TRHDE: variants seen among roughly 807,000 people sequenced by gnomAD.
TRHDE encodes thyrotropin-releasing hormone-degrading ectoenzyme.
A neutral mutation model predicts 125.7 loss-of-function variants in TRHDE; 72 were observed. The ratio of observed to expected loss-of-function variants is 0.57; its 90% confidence interval spans 0.47 to 0.70. The LOEUF (loss-of-function observed/expected upper bound fraction) is 0.70, where lower values mean the gene tolerates loss of function less well. Among genes scored for constraint, TRHDE ranks in the 30% least tolerant of loss-of-function variants. The pLI is 0.00. For missense variants in TRHDE, 1,110 were observed against 1,327.1 expected, an observed-to-expected ratio of 0.84 and a Z score of 2.54; for synonymous variants, 509 against 509.1, an observed-to-expected ratio of 1.00 and a Z score of 0.00.
intron 6 of TRHDE, among the ~76,000 whole-genome samples, chr12:72,533,300 G>T (rs952220393): frequency 1.3e-5 from 2 of 151,944 alleles, no homozygotes; most frequent in African/African-American, 2.4e-5. Context: ...TCAGCCTCCA[G>T]AGTAGCTGGA....
At chr12:72,295,334 G>C (rs1204210653) in intron 2 of TRHDE, among the ~76,000 whole-genome samples, 2 of 152,118 alleles carry the variant, frequency 1.3e-5, no homozygotes, top group African/African-American at 4.8e-5. Context: ...CCCTGGCCGC[G>C]CCTCCCTGAT....
intron 3 of TRHDE, among the ~76,000 whole-genome samples, chr12:72,466,263 G>A (rs1244286909): frequency 1.3e-5 from 2 of 152,258 alleles, no homozygotes; most frequent in East Asian, 3.9e-4. Flanking sequence ...TGGTTCATAT[G>A]TATAGAGTCT....
intron 3 of TRHDE, among the ~76,000 whole-genome samples, chr12:72,455,479 A>C (rs571566471): frequency 6.6e-6 from 1 of 152,236 alleles, no homozygotes; most frequent in Admixed American, 6.5e-5. Context: ...AATGTATTTT[A>C]TAATGTTATA....
chr12:72,581,672 T>C (rs992131852), intron 12 of TRHDE, among the ~76,000 whole-genome samples: 2 of 151,438 alleles, frequency 1.3e-5, no homozygotes, highest in African/African-American at 4.8e-5. Flanking sequence ...CGTTTACAAA[T>C]TTTCCCATGA....
intron 3 of TRHDE, among the ~76,000 whole-genome samples, chr12:72,441,026 G>A (rs1874984319): frequency 6.6e-6 from 1 of 151,790 alleles, no homozygotes; most frequent in Admixed American, 6.6e-5. Flanking sequence ...TTTCTGAAAT[G>A]AAGATAATCA....
chr12:72,545,385 C>T (rs1011334933), intron 7 of TRHDE, among the ~76,000 whole-genome samples: 6 of 151,434 alleles, frequency 4.0e-5, no homozygotes, highest in Non-Finnish European at 7.4e-5. Context: ...TGACCTCTGA[C>T]ATTACAGTTA....
In TRHDE at chr12:72,575,376, C is replaced by A; in HGVS notation, c.2253C>A (p.Ile751=). Residue 751 remains isoleucine, a synonymous_variant, in exon 11 of 19, where the codon ATC becomes ATA. Coordinates refer to ENST00000261180, the MANE Select transcript of TRHDE (RefSeq NM_013381.3). ...GGAGATTATTAATTGATCAATTAAT[C>A]CGGAATCATGAGGTACACTCCAGAT... ...RNWRLLIDQL[I]RNHEVLSVSN... is the part of the protein sequence containing the mutation. 6.2e-7 allele frequency: 1 copy of A among 1,613,516 alleles called. No individual in the cohort carries two copies. The highest frequency in any genetic ancestry group is 1.7e-4 in the Middle Eastern group (1 of 6,052).
intron 6 of TRHDE, among the ~76,000 whole-genome samples, chr12:72,513,105 G>A (rs1878679304): frequency 6.6e-6 from 1 of 152,086 alleles, no homozygotes; most frequent in East Asian, 1.9e-4. Context: ...TACACATAAT[G>A]TTCAGAAGCA....
intron 3 of TRHDE, among the ~76,000 whole-genome samples, chr12:72,412,523 G>A (rs920153232): frequency 6.6e-6 from 1 of 151,964 alleles, no homozygotes; most frequent in Non-Finnish European, 1.5e-5. Flanking sequence ...AGTTGAAGAT[G>A]GGCCTGTCCT....
rs917706363 is a variant in TRHDE, at chr12:72,470,011, G to C, written c.1470+99G>C. The stretch of plus-strand genomic sequence containing the variant: ...GCTAAATTATTATCCTCCCAAAGAA[G>C]TTTTAATTTTATATGGAGCACTGTG... On this transcript the variant is annotated intron_variant, in intron 4 of 18. Coordinates refer to ENST00000261180, the MANE Select transcript of TRHDE (RefSeq NM_013381.3). The C allele has an allele frequency of 6.3e-6, 8 of 1,265,884 alleles. No individual in the cohort carries two copies. The African/African-American group carries it at 9.1e-5, about 14-fold the overall frequency. The allele number at this position is 1,265,884 out of a possible 1,614,324, so 78.4% of individuals were successfully genotyped here. A position where few individuals can be genotyped will look rare whatever the true frequency, so the allele number is the denominator to read the frequency against.
intron 2 of TRHDE, among the ~76,000 whole-genome samples, chr12:72,343,510 A>G (rs973020849): frequency 6.6e-6 from 1 of 152,126 alleles, no homozygotes; most frequent in African/African-American, 2.4e-5. Flanking sequence ...GATTCTTACT[A>G]TAGTCCATAA....
intron 7 of TRHDE, among the ~76,000 whole-genome samples, chr12:72,550,894 A>C (rs1869642757): frequency 1.3e-5 from 2 of 151,942 alleles, no homozygotes; most frequent in Non-Finnish European, 2.9e-5. Flanking sequence ...TAATTTAGCA[A>C]GTAAAAAACT....
intron 2 of TRHDE, among the ~76,000 whole-genome samples, chr12:72,163,726 A>C (rs1347421543): frequency 6.6e-6 from 1 of 152,230 alleles, no homozygotes. Flanking sequence ...GATGCCGTAC[A>C]TTTTTGAATA....
At position 72,663,060 on chromosome 12, in the gene TRHDE, C is replaced by G; in HGVS notation, c.3075C>G (p.Asn1025Lys). Reference sequence around the variant, plus strand: ...AAAATTTCTCTTTCCAGCTCAAGAACTTCATGAAAAACTATGATGGGGTAG... The same window carrying G: ...AAAATTTCTCTTTCCAGCTCAAGAAGTTCATGAAAAACTATGATGGGGTAG... ...NTEGELKELK[N>K]FMKNYDGVAA... Residue 1025 changes from asparagine to lysine, a missense_variant, in exon 19 of 19, where the codon AAC becomes AAG. By Grantham distance (94) the Asn-to-Lys change is moderately conservative (BLOSUM62 0). This residue lies in a region of TRHDE where 527 missense variants were observed against 651.8 expected (regional missense o/e 0.81). Transcript: ENST00000261180. 6.2e-7 allele frequency: 1 copy of G among 1,609,072 alleles called. No individual in the cohort carries two copies.
intron 1 of TRHDE, chr12:72,274,006 G>A (rs774247817): frequency 3.0e-5 from 5 of 164,348 alleles, no homozygotes; most frequent in African/African-American, 4.8e-5. Context: ...GGGACACACC[G>A]TTCTCCACCC....
intron 3 of TRHDE, among the ~76,000 whole-genome samples, chr12:72,434,031 T>G (rs1045323262): frequency 1.3e-5 from 2 of 151,886 alleles, no homozygotes; most frequent in African/African-American, 4.8e-5. Context: ...GAGGAGTGAG[T>G]GAGGACTGAA....
intron 1 of TRHDE, among the ~76,000 whole-genome samples, chr12:72,285,385 C>CTATTCTATAATAGAATAG (rs1879842574): frequency 6.6e-6 from 1 of 152,102 alleles, no homozygotes; most frequent in South Asian, 2.1e-4. Context: ...CTTCAGAACT[C>CTATTCTATAATAGAATAG]AATAGTATTC....
chr12:72,424,830 C>A (rs1489288122), intron 3 of TRHDE, among the ~76,000 whole-genome samples: 1 of 152,056 alleles, frequency 6.6e-6, no homozygotes, highest in African/African-American at 2.4e-5. Flanking sequence ...ACCCAATATT[C>A]ATTTAATAAG....
At chr12:72,193,280 GTT>G (rs956388720) in intron 2 of TRHDE, among the ~76,000 whole-genome samples, 7 of 147,370 alleles carry the variant, frequency 4.7e-5, no homozygotes, top group Non-Finnish European at 1.1e-4. Context: ...GCCTCAAAAA[GTT>G]TTTTTTTTTC....
Sources: allele counts gnomAD v4.1 joint callset (sites outside exome capture counted in the v4.1 genomes callset), GRCh38; gene constraint gnomAD v4.1.1; regional missense constraint gnomAD v4.1.1; transcripts MANE v1.5; gene names NCBI Gene and HGNC (gene_info 2026-07-23, HGNC 2026-07-21).